The following ITPR1 variants were observed in gnomAD, a reference collection of about 807,000 sequenced individuals.
The protein encoded by ITPR1 is inositol 1,4,5-trisphosphate receptor type 1.
A neutral mutation model predicts 318.4 loss-of-function variants in ITPR1; 96 were observed. The observed-to-expected ratio is 0.30, with a 90% CI of 0.26 to 0.36. ITPR1 has a LOEUF of 0.36. Among genes scored for constraint, ITPR1 ranks in the 10% least tolerant of loss-of-function variants. ITPR1 has a pLI of 1.00. For missense variants in ITPR1, 2,440 were observed against 3,460.2 expected, an observed-to-expected ratio of 0.71 and a Z score of 7.40; for synonymous variants, 1,312 against 1,289.9, an observed-to-expected ratio of 1.02 and a Z score of -0.37.
At position 4,706,317 on chromosome 3, in the gene ITPR1, C is replaced by A. The variant is rs998156363; in HGVS notation, c.4808C>A (p.Ser1603Tyr). ...CGCAGGGACTCTGTTCTGGCAGCTT[C>A]CAGAGACTACCGGAATATCATTGAG... ...AARRDSVLAA[S>Y]RDYRNIIERL... Residue 1603 changes from serine to tyrosine, a missense_variant, in exon 37 of 62, where the codon TCC becomes TAC. Physicochemically the swap from Ser to Tyr is moderately radical, Grantham distance 144. Around this residue, in one of 23 missense-constraint regions of ITPR1, gnomAD observed 166 missense variants for 246.5 expected, o/e 0.67. Transcript: ENST00000649015. 4 of 1,613,646 alleles carry A rather than the reference C, an allele frequency of 2.5e-6. No homozygotes were observed. Among genetic ancestry groups the A allele is most frequent in the Non-Finnish European group, 3.4e-6 (4 of 1,179,596 alleles).
At chr3:4,762,930 A>G (rs1014368362) in intron 44 of ITPR1, among the ~76,000 whole-genome samples, 12 of 152,248 alleles carry the variant, frequency 7.9e-5, no homozygotes, top group Admixed American at 1.3e-4. Context: ...AAAGACATGG[A>G]ATCAACCCAA....
At chr3:4,654,689 C>CT (rs912354105) in intron 12 of ITPR1, among the ~76,000 whole-genome samples, 3 of 152,082 alleles carry the variant, frequency 2.0e-5, no homozygotes, top group East Asian at 1.9e-4. Flanking sequence ...GTGTTTCTTT[C>CT]TTTTTTTGGC....
Position 4,567,540 on chromosome 3 carries a change from C to G in ITPR1, c.163+46446C>G, listed in dbSNP as rs150881536. On this transcript the variant is annotated intron_variant, in intron 4 of 61. Coordinates refer to ENST00000649015, the MANE Select transcript of ITPR1 (RefSeq NM_001378452.1). ...AATGAAGATGACAGTCAACCACGTG[C>G]GGTGGGCTTGGGGGCTGAGGTGGGT... Among the ~76,000 whole-genome samples, 743 of 152,046 alleles carry G rather than the reference C, an allele frequency of 4.9e-3. 4 individuals carry two copies. Among genetic ancestry groups the G allele is most frequent in the Non-Finnish European group, 7.5e-3 (512 of 67,996 alleles).
At chr3:4,532,219 G>C (rs1264092475) in intron 4 of ITPR1, among the ~76,000 whole-genome samples, 1 of 152,140 alleles carries the variant, frequency 6.6e-6, no homozygotes. Context: ...GAACTAAAAT[G>C]TTTGTGGAAT....
intron 12 of ITPR1, 93 bp from the exon 13 acceptor site, chr3:4,658,031 C>G (rs2093752267): frequency 7.8e-7 from 1 of 1,274,530 alleles, no homozygotes; most frequent in Middle Eastern, 2.0e-4. Flanking sequence ...ATTCACGATC[C>G]TTTCTTCTCC....
chr3:4,665,956 A>T (rs2093937816), intron 17 of ITPR1, among the ~76,000 whole-genome samples: 1 of 152,092 alleles, frequency 6.6e-6, no homozygotes, highest in African/African-American at 2.4e-5. Flanking sequence ...GACCCTTTTG[A>T]GTTTTATAAC....
At chr3:4,707,677 G>A (rs2094789041) in intron 37 of ITPR1, among the ~76,000 whole-genome samples, 1 of 152,136 alleles carries the variant, frequency 6.6e-6, no homozygotes, top group African/African-American at 2.4e-5. Flanking sequence ...ATGTATTGTG[G>A]TATAGCCATC....
intron 17 of ITPR1, among the ~76,000 whole-genome samples, chr3:4,665,653 A>C (rs2093930591): frequency 1.3e-5 from 2 of 152,082 alleles, no homozygotes; most frequent in Admixed American, 1.3e-4. Context: ...GCACCTTTAA[A>C]ATTCTCCGTC....
At chr3:4,663,435 T>C (rs994556904) in intron 16 of ITPR1, among the ~76,000 whole-genome samples, 1 of 152,188 alleles carries the variant, frequency 6.6e-6, no homozygotes, top group Non-Finnish European at 1.5e-5. Flanking sequence ...AATGGGATCA[T>C]TGAGGGATAT....
At chr3:4,820,083 G>A (rs1477821555) in intron 60 of ITPR1, among the ~76,000 whole-genome samples, 1 of 152,352 alleles carries the variant, frequency 6.6e-6, no homozygotes, top group African/African-American at 2.4e-5. Flanking sequence ...ATGGGTGCCA[G>A]TGTGGATTTC....
At chr3:4,834,474 C>T (rs1274425444) in intron 60 of ITPR1, among the ~76,000 whole-genome samples, 1 of 152,142 alleles carries the variant, frequency 6.6e-6, no homozygotes, top group Non-Finnish European at 1.5e-5. Context: ...GCTAAGTGAT[C>T]TCTCTGCAGC....
At chr3:4,814,775 C>G (rs2049182341) in intron 58 of ITPR1, 1 of 616,524 alleles carries the variant, frequency 1.6e-6, no homozygotes, top group Non-Finnish European at 2.8e-6. Flanking sequence ...TTGGCTTTGG[C>G]TCTCTGTTCA....
At chr3:4,800,250 G>A in intron 53 of ITPR1, 175 bp from the exon 54 acceptor site, 1 of 573,688 alleles carries the variant, frequency 1.7e-6, no homozygotes, top group Non-Finnish European at 3.0e-6. Context: ...GAGGCTTGGA[G>A]GTCAAAAAAT....
intron 4 of ITPR1, among the ~76,000 whole-genome samples, chr3:4,572,097 A>G (rs1253429371): frequency 3.3e-5 from 5 of 152,016 alleles, no homozygotes; most frequent in Non-Finnish European, 4.4e-5. Context: ...CTCTTTCTTT[A>G]CTTTGCTTAT....
At chr3:4,522,408 A>G (rs1324499702) in intron 4 of ITPR1, among the ~76,000 whole-genome samples, 1 of 152,238 alleles carries the variant, frequency 6.6e-6, no homozygotes, top group Non-Finnish European at 1.5e-5. Flanking sequence ...ATTAGAATAA[A>G]ATAGAACTCA....
At chr3:4,495,915 C>A (rs147823745) in intron 2 of ITPR1, among the ~76,000 whole-genome samples, 91 of 152,132 alleles carry the variant, frequency 6.0e-4, no homozygotes, top group African/African-American at 2.1e-3. Context: ...TGCATACCTC[C>A]CACCAATGAT....
chr3:4,725,634 C>T, intron 41 of ITPR1, 53 bp downstream of exon 41: 1 of 1,463,584 alleles, frequency 6.8e-7, no homozygotes, highest in Admixed American at 1.7e-5. Context: ...ATGGATGCCT[C>T]TCAGTTGTCC....
chr3:4,844,510 C>T (rs1344059718), intron 61 of ITPR1, among the ~76,000 whole-genome samples: 2 of 152,194 alleles, frequency 1.3e-5, no homozygotes, highest in African/African-American at 4.8e-5. Flanking sequence ...CTCAAGGTTA[C>T]CTGCCAAGGG....
At chr3:4,752,977 T>G (rs2044658004) in intron 44 of ITPR1, among the ~76,000 whole-genome samples, 1 of 151,850 alleles carries the variant, frequency 6.6e-6, no homozygotes. Flanking sequence ...TTCAGAGAAG[T>G]GTGATGGGGA....
Sources: allele counts gnomAD v4.1 joint callset (sites outside exome capture counted in the v4.1 genomes callset), GRCh38; gene constraint gnomAD v4.1.1; regional missense constraint gnomAD v4.1.1; transcripts MANE v1.5; gene names NCBI Gene and HGNC (gene_info 2026-07-23, HGNC 2026-07-21).